The following GALNT17 variants were observed in gnomAD, a reference collection of about 807,000 sequenced individuals.
The protein encoded by GALNT17 is polypeptide N-acetylgalactosaminyltransferase 17, also known as UDP-GalNAc:polypeptide N-acetylgalactosaminyltransferase-like 3.
A neutral mutation model predicts 63.7 loss-of-function variants in GALNT17; 29 were observed. The ratio of observed to expected loss-of-function variants is 0.46; its 90% confidence interval spans 0.34 to 0.62. GALNT17 has a LOEUF of 0.62. GALNT17 is among the 20% of genes least tolerant of loss of function. The pLI is 0.01. For missense variants in GALNT17, 603 were observed against 799.6 expected (o/e 0.75, Z 2.97); for synonymous variants, 305 against 318.3 (o/e 0.96, Z 0.45).
At chr7:71,228,411 T>A (rs1459905807) in intron 1 of GALNT17, among the ~76,000 whole-genome samples, 1 of 152,228 alleles carries the variant, frequency 6.6e-6, no homozygotes, top group Non-Finnish European at 1.5e-5. Context: ...CCCTTGAATT[T>A]GTTTCCTGTA....
At chr7:71,639,318 C>A (rs1053776470) in intron 6 of GALNT17, among the ~76,000 whole-genome samples, 1 of 151,220 alleles carries the variant, frequency 6.6e-6, no homozygotes, top group African/African-American at 2.5e-5. Flanking sequence ...TTTGATGAGA[C>A]CCTCTGTCCT....
chr7:71,587,598 G>C (rs1278437874), intron 6 of GALNT17, among the ~76,000 whole-genome samples: 1 of 151,690 alleles, frequency 6.6e-6, no homozygotes, highest in East Asian at 1.9e-4. Context: ...TTTTCTTCTA[G>C]AAAGTTTATA....
intron 9 of GALNT17, among the ~76,000 whole-genome samples, chr7:71,699,847 C>G (rs1253690754): frequency 1.3e-5 from 2 of 151,866 alleles, no homozygotes; most frequent in Admixed American, 6.6e-5. Flanking sequence ...GCAGGAGGAT[C>G]ACGTATGCGC....
At chr7:71,638,720 C>T (rs1790562869) in intron 6 of GALNT17, among the ~76,000 whole-genome samples, 1 of 152,180 alleles carries the variant, frequency 6.6e-6, no homozygotes, top group African/African-American at 2.4e-5. Flanking sequence ...TTAGCACCTG[C>T]CATCCAAAGA....
chr7:71,603,654 C>A (rs1219070339), intron 6 of GALNT17, among the ~76,000 whole-genome samples: 1 of 151,702 alleles, frequency 6.6e-6, no homozygotes, highest in African/African-American at 2.4e-5. Context: ...AGTGCATGCA[C>A]TAAGTACTAT....
At chr7:71,143,651 GGGGAGCCATTAT>G (rs1279296619) in intron 1 of GALNT17, among the ~76,000 whole-genome samples, 23 of 152,044 alleles carry the variant, frequency 1.5e-4, no homozygotes, top group Admixed American at 1.5e-3. Flanking sequence ...GCATAGGCTT[GGGGAGCCATTAT>G]GTGACCAGGT....
intron 5 of GALNT17, among the ~76,000 whole-genome samples, chr7:71,552,215 T>C: frequency 6.6e-6 from 1 of 151,806 alleles, no homozygotes; most frequent in African/African-American, 2.4e-5. Context: ...TGTCTAATTT[T>C]TGTATTTTTA....
At chr7:71,303,025 C>T (rs1005553757) in intron 1 of GALNT17, among the ~76,000 whole-genome samples, 5 of 152,016 alleles carry the variant, frequency 3.3e-5, no homozygotes, top group African/African-American at 4.8e-5. Flanking sequence ...CTGCCATGCC[C>T]GGCTAATTTT....
At chr7:71,242,545 G>C (rs1190324562) in intron 1 of GALNT17, among the ~76,000 whole-genome samples, 1 of 152,048 alleles carries the variant, frequency 6.6e-6, no homozygotes, top group Non-Finnish European at 1.5e-5. Context: ...TGGGATTACA[G>C]GTGTGAGCCA....
chr7:71,415,998 C>G lies in GALNT17; in HGVS notation c.699C>G (p.Gly233=), dbSNP rs1261596111. The G allele has an allele frequency of 5.0e-6, 8 of 1,613,596 alleles. No individual in the cohort carries two copies. Among genetic ancestry groups the G allele is most frequent in the Non-Finnish European group, 6.8e-6 (8 of 1,179,842 alleles). The change falls in exon 4 of 11, where the codon GGC becomes GGG. Residue 233 remains glycine (G), a synonymous_variant. Coordinates refer to ENST00000333538, the MANE Select transcript of GALNT17 (RefSeq NM_022479.3). ...REGLIRARIE[G]WKVATGQVTG... ...GCCTGATCCGCGCTCGCATTGAGGG[C>G]TGGAAGGTGGCTACCGGGCAGGTCA...
At chr7:71,578,524 A>G (rs1326635719) in intron 6 of GALNT17, among the ~76,000 whole-genome samples, 3 of 151,026 alleles carry the variant, frequency 2.0e-5, no homozygotes, top group Non-Finnish European at 4.4e-5. Context: ...GTTCTTTTGT[A>G]GAGATGGGGG....
chr7:71,387,742 GA>G (rs1792972793), intron 2 of GALNT17, among the ~76,000 whole-genome samples: 1 of 152,118 alleles, frequency 6.6e-6, no homozygotes, highest in Non-Finnish European at 1.5e-5. Context: ...GGTGTGCCCT[GA>G]AGCTCAGGGC....
chr7:71,509,514 A>T (rs1256986133), intron 5 of GALNT17, among the ~76,000 whole-genome samples: 1 of 152,248 alleles, frequency 6.6e-6, no homozygotes, highest in East Asian at 1.9e-4. Flanking sequence ...TATGTTGACC[A>T]AGTGGGTATA....
At chr7:71,236,193 AT>A (rs1189632609) in intron 1 of GALNT17, among the ~76,000 whole-genome samples, 1 of 142,906 alleles carries the variant, frequency 7.0e-6, no homozygotes, top group African/African-American at 2.8e-5. Context: ...AAAAAATTAA[AT>A]AAAAAAAAAA....
At chr7:71,302,035 A>G (rs542414161) in intron 1 of GALNT17, among the ~76,000 whole-genome samples, 7 of 152,208 alleles carry the variant, frequency 4.6e-5, no homozygotes, top group Non-Finnish European at 8.8e-5. Context: ...GAATGAGATC[A>G]TGTCCTTTGC....
chr7:71,440,800 C>A (rs897015883), intron 5 of GALNT17, among the ~76,000 whole-genome samples: 2 of 152,150 alleles, frequency 1.3e-5, no homozygotes, highest in African/African-American at 4.8e-5. Flanking sequence ...ACCCAAACAG[C>A]CTTTTTTGTT....
intron 5 of GALNT17, among the ~76,000 whole-genome samples, chr7:71,559,619 T>A (rs1300731296): frequency 6.6e-6 from 1 of 152,118 alleles, no homozygotes; most frequent in Non-Finnish European, 1.5e-5. Context: ...CCCACCATTC[T>A]GAGAGGCCAT....
chr7:71,134,322 T>G (rs1008520870), intron 1 of GALNT17, among the ~76,000 whole-genome samples: 2 of 152,184 alleles, frequency 1.3e-5, no homozygotes, highest in African/African-American at 2.4e-5. Context: ...AACAGAAATA[T>G]GTGGAATTGC....
intron 2 of GALNT17, among the ~76,000 whole-genome samples, chr7:71,345,586 G>A (rs2116148760): frequency 6.6e-6 from 1 of 152,288 alleles, no homozygotes; most frequent in South Asian, 2.1e-4. Flanking sequence ...TGGTCTGGAG[G>A]TCAGGAATGA....
Sources: gnomAD v4.1 joint callset for allele counts (sites outside exome capture counted in the v4.1 genomes callset) on GRCh38, gnomAD v4.1.1 for gene constraint, MANE v1.5 for transcripts, NCBI Gene and HGNC (gene_info 2026-07-23, HGNC 2026-07-21) for gene names.